Variants in FSTL4 observed in about 807,000 individuals in gnomAD.
The protein encoded by FSTL4 is follistatin like 4, also known as follistatin-related protein 4.
FSTL4 carries 28 observed loss-of-function variants against 78.2 expected under a neutral mutation model. That is an observed-to-expected ratio of 0.36 (90% CI 0.27 to 0.49). FSTL4 has a LOEUF of 0.49. FSTL4 is among the 20% of genes least tolerant of loss of function. FSTL4 has a pLI of 0.98. For synonymous variants in FSTL4, 422 were observed against 440.5 expected (o/e 0.96, Z 0.53); for missense variants, 922 against 1,084.9 (o/e 0.85, Z 2.11).
chr5:133,677,912 C>G, the FSTL4 span, among the ~76,000 whole-genome samples: 1 of 152,174 alleles, frequency 6.6e-6, no homozygotes, highest in Non-Finnish European at 1.5e-5. Context: ...TCATGGAGCT[C>G]ACATTTTTTA....
At chr5:133,592,850 A>C (rs1044338328) in intron 2 of FSTL4, among the ~76,000 whole-genome samples, 1 of 152,172 alleles carries the variant, frequency 6.6e-6, no homozygotes, top group Non-Finnish European at 1.5e-5. Flanking sequence ...TTCTGGGGCC[A>C]TGCTTCTTGT....
At chr5:133,307,727 C>T (rs952136024) in intron 6 of FSTL4, among the ~76,000 whole-genome samples, 1 of 152,092 alleles carries the variant, frequency 6.6e-6, no homozygotes, top group Non-Finnish European at 1.5e-5. Context: ...GACAGCACCC[C>T]CAACTCTGTC....
chr5:133,272,420 ACGCG>A (rs1752787690), intron 6 of FSTL4, among the ~76,000 whole-genome samples: 1 of 152,194 alleles, frequency 6.6e-6, no homozygotes, highest in Non-Finnish European at 1.5e-5. Context: ...GAGAGGAGGC[ACGCG>A]CGTGCAGCGC....
At chr5:133,324,791 C>T (rs1378535030) in intron 4 of FSTL4, among the ~76,000 whole-genome samples, 1 of 152,226 alleles carries the variant, frequency 6.6e-6, no homozygotes, top group African/African-American at 2.4e-5. Flanking sequence ...TCCCAGCCAC[C>T]CTGCACCATG....
the FSTL4 span, among the ~76,000 whole-genome samples, chr5:133,836,817 C>T: frequency 2.6e-4 from 39 of 152,290 alleles, no homozygotes; most frequent in South Asian, 2.3e-3. Context: ...GTCAGTGTCA[C>T]GCTCACTGTT....
chr5:133,809,122 T>G, the FSTL4 span, among the ~76,000 whole-genome samples: 1 of 151,780 alleles, frequency 6.6e-6, no homozygotes, highest in Non-Finnish European at 1.5e-5. Context: ...TCCTAGCATC[T>G]TGGGAGGCCA....
At chr5:133,797,651 T>C in the FSTL4 span, among the ~76,000 whole-genome samples, 131,159 of 151,870 alleles carry the variant, frequency 0.86, 56,755 homozygotes, top group Middle Eastern at 0.94. Context: ...GGGGTCCGTT[T>C]AGTCCTTTGG....
the FSTL4 span, among the ~76,000 whole-genome samples, chr5:133,655,394 C>T: frequency 2.0e-5 from 3 of 152,216 alleles, no homozygotes; most frequent in Non-Finnish European, 2.9e-5. Flanking sequence ...GCTCTAAGCC[C>T]AGCAATGCTC....
chr5:133,658,745 C>A, the FSTL4 span, among the ~76,000 whole-genome samples: 1 of 151,984 alleles, frequency 6.6e-6, no homozygotes, highest in East Asian at 1.9e-4. Context: ...TTCTTAATTT[C>A]TAGTAAATTT....
chr5:133,527,601 G>C (rs1443077541), intron 3 of FSTL4, among the ~76,000 whole-genome samples: 1 of 152,206 alleles, frequency 6.6e-6, no homozygotes, highest in Non-Finnish European at 1.5e-5. Flanking sequence ...ATGCAGGCCT[G>C]AACTGATCCT....
the FSTL4 span, among the ~76,000 whole-genome samples, chr5:133,768,603 G>A: frequency 1.3e-5 from 2 of 152,146 alleles, no homozygotes; most frequent in African/African-American, 4.8e-5. Context: ...AACATCACCT[G>A]CCATTGCTTC....
intron 4 of FSTL4, among the ~76,000 whole-genome samples, chr5:133,337,953 C>T (rs1338834979): frequency 6.6e-6 from 1 of 152,172 alleles, no homozygotes; most frequent in Non-Finnish European, 1.5e-5. Flanking sequence ...ATGGTTCTTG[C>T]CTACAGATCA....
chr5:133,362,055 CATT>C (rs1755083713), intron 4 of FSTL4, among the ~76,000 whole-genome samples: 1 of 152,108 alleles, frequency 6.6e-6, no homozygotes, highest in Admixed American at 6.5e-5. Flanking sequence ...AATGAGTACA[CATT>C]ATTTTGTTCA....
intron 4 of FSTL4, among the ~76,000 whole-genome samples, chr5:133,333,080 G>A (rs1754385128): frequency 6.6e-6 from 1 of 152,148 alleles, no homozygotes; most frequent in Non-Finnish European, 1.5e-5. Flanking sequence ...ACACACAGCT[G>A]TGGATCTGGG....
chr5:133,755,364 A>G, the FSTL4 span, among the ~76,000 whole-genome samples: 1 of 152,150 alleles, frequency 6.6e-6, no homozygotes, highest in Non-Finnish European at 1.5e-5. Flanking sequence ...GTCCCGGGAC[A>G]ATAAAAGCAG....
the FSTL4 span, among the ~76,000 whole-genome samples, chr5:133,800,859 G>A: frequency 2.0e-3 from 302 of 152,146 alleles, 1 homozygote; most frequent in African/African-American, 6.8e-3. Flanking sequence ...TTAAAAGGCT[G>A]TCATGGCAAA....
the FSTL4 span, among the ~76,000 whole-genome samples, chr5:133,749,247 A>T: frequency 6.6e-6 from 1 of 152,194 alleles, no homozygotes; most frequent in African/African-American, 2.4e-5. Context: ...AGCAAATGAG[A>T]AGCCAAAGTG....
chr5:133,638,293 T>C, the FSTL4 span, among the ~76,000 whole-genome samples: 15 of 152,176 alleles, frequency 9.9e-5, no homozygotes, highest in Non-Finnish European at 2.2e-4. Context: ...TCCCCAGGAC[T>C]ATTCTCAAAG....
intron 4 of FSTL4, among the ~76,000 whole-genome samples, chr5:133,368,347 T>C (rs115166547): frequency 0.017 from 2,560 of 152,270 alleles, 21 homozygotes; most frequent in Middle Eastern, 0.051. Flanking sequence ...TCTGAGTGTA[T>C]TGTCACACAC....
Sources: gnomAD v4.1 joint callset for allele counts (sites outside exome capture counted in the v4.1 genomes callset) on GRCh38, gnomAD v4.1.1 for gene constraint, MANE v1.5 for transcripts, NCBI Gene and HGNC (gene_info 2026-07-23, HGNC 2026-07-21) for gene names.